LRRIQ1: variants seen among roughly 807,000 people sequenced by gnomAD.
The protein encoded by LRRIQ1 is leucine-rich repeat- and IQ domain-containing protein 1.
In LRRIQ1, 210 loss-of-function variants were observed where a neutral mutation model predicts 211.9. The ratio of observed to expected loss-of-function variants is 0.99; its 90% CI spans 0.89 to 1.11. LRRIQ1 has a LOEUF of 1.11. LRRIQ1 is among the 50% of genes most tolerant of loss of function. The pLI is 0.00. For synonymous variants in LRRIQ1, 699 were observed against 650.1 expected (o/e 1.08, Z -1.14); for missense variants, 2,136 against 1,939.5 (o/e 1.10, Z -1.90).
At chr12:85,092,978 A>G (rs1447809889) in intron 11 of LRRIQ1, among the ~76,000 whole-genome samples, 2 of 152,180 alleles carry the variant, frequency 1.3e-5, no homozygotes, top group African/African-American at 2.4e-5. Context: ...AGACAATTAG[A>G]TGAAATAGCA....
At chr12:85,163,868 T>A (rs1891022323) in intron 24 of LRRIQ1, among the ~76,000 whole-genome samples, 1 of 152,174 alleles carries the variant, frequency 6.6e-6, no homozygotes, top group Admixed American at 6.5e-5. Flanking sequence ...CATTTTTGTC[T>A]GGCTACCAGA....
At position 85,245,033 on chromosome 12, in the gene LRRIQ1, G is replaced by A. The variant is rs1895655710; in HGVS notation, c.*92G>A. 6.9e-7 allele frequency: 1 copy of A among 1,452,888 alleles called. No homozygotes were observed. Among genetic ancestry groups the A allele is most frequent in the Non-Finnish European group, 9.1e-7 (1 of 1,096,772 alleles). 90.0% of individuals were successfully genotyped at this position (1,452,888 alleles called of 1,614,324 possible). A position where few individuals can be genotyped will look rare whatever the true frequency, so the allele number is the denominator to read the frequency against. On this transcript the variant is annotated 3_prime_UTR_variant, in exon 27 of 27. Coordinates refer to ENST00000393217, the MANE Select transcript of LRRIQ1 (RefSeq NM_001079910.2). ...CCAGCAACCTGAACTGCCCAAAAAT[G>A]TGTATTTAAATTTTTTCTTTCTTTA...
intron 19 of LRRIQ1, among the ~76,000 whole-genome samples, chr12:85,146,636 C>T (rs1565867910): frequency 6.6e-6 from 1 of 151,612 alleles, no homozygotes; most frequent in Non-Finnish European, 1.5e-5. Context: ...GTTTTTTGTT[C>T]TCCACCTACT....
At chr12:85,094,013 A>T (rs773208786) in intron 11 of LRRIQ1, among the ~76,000 whole-genome samples, 2 of 152,186 alleles carry the variant, frequency 1.3e-5, no homozygotes, top group Non-Finnish European at 2.9e-5. Flanking sequence ...TGAGACTGCA[A>T]ATGATGGTGG....
chr12:85,186,307 T>C (rs1892226695), intron 24 of LRRIQ1, among the ~76,000 whole-genome samples: 1 of 152,188 alleles, frequency 6.6e-6, no homozygotes, highest in Non-Finnish European at 1.5e-5. Context: ...TGACAGTTCT[T>C]AAAGTGTATA....
At chr12:85,169,476 G>C (rs914299885) in intron 24 of LRRIQ1, among the ~76,000 whole-genome samples, 12 of 152,086 alleles carry the variant, frequency 7.9e-5, no homozygotes, top group African/African-American at 2.7e-4. Context: ...AGCTGGACTT[G>C]ATATTAAATA....
chr12:85,149,877 AG>A (rs1890124611), intron 19 of LRRIQ1, among the ~76,000 whole-genome samples: 2 of 151,800 alleles, frequency 1.3e-5, no homozygotes, highest in South Asian at 4.1e-4. Flanking sequence ...CTTTCTATTC[AG>A]GAAAAAAAGG....
At chr12:85,050,960 C>A (rs1880237698) in intron 6 of LRRIQ1, among the ~76,000 whole-genome samples, 1 of 152,186 alleles carries the variant, frequency 6.6e-6, no homozygotes. Flanking sequence ...CTCACATGGT[C>A]ATTTCCGATG....
At chr12:85,244,686 T>C (rs1183805523) in intron 26 of LRRIQ1, 103 bp from the exon 27 acceptor site, 1 of 983,170 alleles carries the variant, frequency 1.0e-6, no homozygotes, top group Non-Finnish European at 1.6e-6. Flanking sequence ...TGAAGAAGGT[T>C]GTTTGACAGA....
chr12:85,093,186 G>A (rs11532387), intron 11 of LRRIQ1, among the ~76,000 whole-genome samples: 33,383 of 152,100 alleles, frequency 0.22, 4,331 homozygotes, highest in Admixed American at 0.31. Context: ...AACTATTCAA[G>A]TATTTGAATA....
chr12:85,260,482 C>CAA (rs1248750873), intron 1 of LRRIQ1, among the ~76,000 whole-genome samples: 1 of 152,126 alleles, frequency 6.6e-6, no homozygotes, highest in Non-Finnish European at 1.5e-5. Context: ...ACTTAGCTTA[C>CAA]TGTAGTGGAA....
At chr12:85,258,050 TA>T (rs1896173423) in intron 1 of LRRIQ1, among the ~76,000 whole-genome samples, 1 of 151,796 alleles carries the variant, frequency 6.6e-6, no homozygotes, top group Non-Finnish European at 1.5e-5. Context: ...ATACATGAGT[TA>T]AAAAAACTAT....
chr12:85,106,569 G>A lies in LRRIQ1; in HGVS notation c.3331G>A (p.Glu1111Lys). ...KWFDACYSLH[E>K]LSLTGNPLLQ... ...GTTTGATGCATGCTATTCTCTCCAT[G>A]AATTGTCTCTTACTGGAAACCCACT... is the stretch of plus-strand genomic sequence containing the variant. Residue 1111 changes from glutamate (E) to lysine (K), a missense_variant, in exon 15 of 27, where the codon GAA becomes AAA. Physicochemically the swap from Glu to Lys is moderately conservative, Grantham distance 56. Coordinates refer to ENST00000393217, the MANE Select transcript of LRRIQ1 (RefSeq NM_001079910.2). The A allele has an allele frequency of 1.2e-6, 2 of 1,612,668 alleles. No individual in the cohort carries two copies. The highest frequency in any genetic ancestry group is 1.7e-6 in the Non-Finnish European group (2 of 1,179,384).
intron 10 of LRRIQ1, among the ~76,000 whole-genome samples, chr12:85,071,820 C>T (rs1041380911): frequency 6.6e-6 from 1 of 152,018 alleles, no homozygotes; most frequent in African/African-American, 2.4e-5. Flanking sequence ...TCTTGTGAGA[C>T]TTATTCACTA....
intron 24 of LRRIQ1, among the ~76,000 whole-genome samples, chr12:85,161,905 T>C (rs937772617): frequency 6.6e-6 from 1 of 151,806 alleles, no homozygotes; most frequent in African/African-American, 2.4e-5. Flanking sequence ...CCGGGCGTGG[T>C]GGTGGGCTCC....
chr12:85,234,208 G>C (rs925873175), intron 26 of LRRIQ1, among the ~76,000 whole-genome samples: 4 of 152,110 alleles, frequency 2.6e-5, no homozygotes, highest in African/African-American at 9.7e-5. Context: ...CTGTACTCCA[G>C]ATTGGATGTC....
chr12:85,254,072 A>G (rs1896020903), intron 1 of LRRIQ1, among the ~76,000 whole-genome samples: 1 of 151,978 alleles, frequency 6.6e-6, no homozygotes, highest in South Asian at 2.1e-4. Flanking sequence ...AGATCTGGTC[A>G]TTTGAAACTG....
At chr12:85,095,703 A>G (rs1260765383) in intron 11 of LRRIQ1, among the ~76,000 whole-genome samples, 3 of 152,174 alleles carry the variant, frequency 2.0e-5, no homozygotes, top group Non-Finnish European at 2.9e-5. Context: ...GGAATAGCTT[A>G]AGTAGATCTG....
At chr12:85,220,851 A>G (rs1341262704) in intron 24 of LRRIQ1, among the ~76,000 whole-genome samples, 1 of 133,276 alleles carries the variant, frequency 7.5e-6, no homozygotes, top group African/African-American at 2.9e-5. Context: ...TCTGTCGCCC[A>G]GGTTGGACGG....
Sources: gnomAD v4.1 joint callset for allele counts (sites outside exome capture counted in the v4.1 genomes callset) on GRCh38, gnomAD v4.1.1 for gene constraint, MANE v1.5 for transcripts, NCBI Gene and HGNC (gene_info 2026-07-23, HGNC 2026-07-21) for gene names.